The following KCNQ3 variants were observed in gnomAD, a reference collection of about 807,000 sequenced individuals.
KCNQ3 encodes potassium voltage-gated channel subfamily Q member 3, also known as potassium voltage-gated channel subfamily KQT member 3.
KCNQ3 carries 30 observed loss-of-function variants against 92.5 expected under a neutral mutation model. The ratio of observed to expected loss-of-function variants is 0.32; its 90% CI spans 0.24 to 0.44. The LOEUF (loss-of-function observed/expected upper bound fraction) is 0.44. Ranked by LOEUF, KCNQ3 falls within the 20% of genes least tolerant of loss-of-function variation. The probability of loss-of-function intolerance (pLI) is 1.00; values close to 1 mark genes in which losing one functional copy is unlikely to be tolerated. For synonymous variants in KCNQ3, 450 were observed against 468.8 expected (o/e 0.96, Z 0.52); for missense variants, 913 against 1,140.3 (o/e 0.80, Z 2.87).
chr8:132,195,410 G>A (rs1827273944), intron 1 of KCNQ3, among the ~76,000 whole-genome samples: 1 of 152,216 alleles, frequency 6.6e-6, no homozygotes, highest in Non-Finnish European at 1.5e-5. Context: ...TGACGCAGCT[G>A]AGCCAGGCAA....
At chr8:132,443,711 T>C (rs1321530069) in intron 1 of KCNQ3, among the ~76,000 whole-genome samples, 1 of 152,124 alleles carries the variant, frequency 6.6e-6, no homozygotes. Flanking sequence ...TTTTGTTTCA[T>C]TTTCTTAATT....
chr8:132,245,962 G>A (rs950123467), intron 1 of KCNQ3, among the ~76,000 whole-genome samples: 5 of 145,612 alleles, frequency 3.4e-5, no homozygotes, highest in African/African-American at 1.2e-4. Context: ...AGTAGTTGGT[G>A]AATAAATATT....
At chr8:132,234,955 T>C (rs10092367) in intron 1 of KCNQ3, among the ~76,000 whole-genome samples, 20,309 of 152,208 alleles carry the variant, frequency 0.13, 1,537 homozygotes, top group African/African-American at 0.2. Context: ...GTGGTGATGG[T>C]TGCCCAACCT....
chr8:132,416,635 A>G (rs1489943347), intron 1 of KCNQ3, among the ~76,000 whole-genome samples: 2 of 152,142 alleles, frequency 1.3e-5, no homozygotes, highest in Non-Finnish European at 2.9e-5. Flanking sequence ...CAAACAAACA[A>G]AAAAAATTCA....
At position 132,408,803 on chromosome 8, in the gene KCNQ3, G is replaced by A. The variant is rs147374496; in HGVS notation, c.386+71344C>T. Reference sequence around the variant, plus strand: ...GGCACTAGGCAGCTAGGAGCTGGGAGCCAACCCTGGATGACAGCCAGCAAG... The same window carrying A: ...GGCACTAGGCAGCTAGGAGCTGGGAACCAACCCTGGATGACAGCCAGCAAG... On this transcript the variant is annotated intron_variant, in intron 1 of 14. Transcript: ENST00000388996. Among the ~76,000 whole-genome samples the A allele has an allele frequency of 2.0e-5, 3 of 152,312 alleles. No homozygotes were observed. The East Asian group carries it at 5.8e-4, about 29-fold the overall frequency.
intron 1 of KCNQ3, among the ~76,000 whole-genome samples, chr8:132,259,849 A>G (rs986443510): frequency 1.3e-5 from 2 of 152,210 alleles, no homozygotes; most frequent in Non-Finnish European, 2.9e-5. Flanking sequence ...ATAGTTCTAT[A>G]TGCTAGCAAG....
Position 132,219,223 on chromosome 8 carries a change from A to T in KCNQ3, c.387-33042T>A, listed in dbSNP as rs563211030. On this transcript the variant is annotated intron_variant, in intron 1 of 14. Coordinates refer to ENST00000388996, the MANE Select transcript of KCNQ3 (RefSeq NM_004519.4). ...GGGACCTTGATGAGTGCAGATTTTG[A>T]TTCAGCAGGTCTCAGGTGGGGCCTG... is the stretch of plus-strand genomic sequence containing the variant. Among the ~76,000 whole-genome samples the T allele has an allele frequency of 5.9e-5, 9 of 152,234 alleles. No homozygotes were observed. In the East Asian group the frequency reaches 1.7e-3, roughly 29 times the overall value.
chr8:132,242,721 C>CGAAT (rs1443132206), intron 1 of KCNQ3, among the ~76,000 whole-genome samples: 3 of 152,156 alleles, frequency 2.0e-5, no homozygotes, highest in African/African-American at 4.8e-5. Flanking sequence ...GAATATTTAT[C>CGAAT]GAATGAATGA....
At chr8:132,142,414 T>C (rs960477606) in intron 9 of KCNQ3, among the ~76,000 whole-genome samples, 1 of 152,202 alleles carries the variant, frequency 6.6e-6, no homozygotes, top group Non-Finnish European at 1.5e-5. Context: ...CTGCTTTATC[T>C]GGTTGCTATG....
At chr8:132,374,292 G>T (rs2130743314) in intron 1 of KCNQ3, among the ~76,000 whole-genome samples, 1 of 152,256 alleles carries the variant, frequency 6.6e-6, no homozygotes, top group Admixed American at 6.5e-5. Flanking sequence ...ACAAGATAAA[G>T]GACAAATGCC....
intron 1 of KCNQ3, among the ~76,000 whole-genome samples, chr8:132,378,526 T>A (rs1033876510): frequency 6.6e-6 from 1 of 152,244 alleles, no homozygotes; most frequent in African/African-American, 2.4e-5. Context: ...CACTTTTCCA[T>A]ACATTGCCTT....
intron 1 of KCNQ3, among the ~76,000 whole-genome samples, chr8:132,431,028 TC>T (rs1821236704): frequency 6.6e-6 from 1 of 152,144 alleles, no homozygotes; most frequent in Admixed American, 6.5e-5. Context: ...CTCCTGGTAA[TC>T]CCCTGGCTTT....
At chr8:132,383,144 C>T (rs1283929148) in intron 1 of KCNQ3, among the ~76,000 whole-genome samples, 1 of 152,202 alleles carries the variant, frequency 6.6e-6, no homozygotes. Context: ...TGCCTGCTTT[C>T]CCCATGAATC....
chr8:132,344,684 T>C (rs183154734), intron 1 of KCNQ3, among the ~76,000 whole-genome samples: 1 of 152,282 alleles, frequency 6.6e-6, no homozygotes, highest in Non-Finnish European at 1.5e-5. Flanking sequence ...TTTATATTCC[T>C]GGGAGAGATC....
chr8:132,286,352 T>C (rs73358986), intron 1 of KCNQ3, among the ~76,000 whole-genome samples: 1 of 152,352 alleles, frequency 6.6e-6, no homozygotes, highest in East Asian at 1.9e-4. Flanking sequence ...AGGCAACACA[T>C]AGAGTGAAAG....
chr8:132,219,065 A>T (rs1814132171), intron 1 of KCNQ3, among the ~76,000 whole-genome samples: 1 of 152,208 alleles, frequency 6.6e-6, no homozygotes, highest in Non-Finnish European at 1.5e-5. Flanking sequence ...TGGAAGAGAA[A>T]ATTCAGAAAA....
chr8:132,365,156 G>A (rs995996625), intron 1 of KCNQ3, among the ~76,000 whole-genome samples: 2 of 152,164 alleles, frequency 1.3e-5, no homozygotes, highest in Non-Finnish European at 2.9e-5. Flanking sequence ...CCAGAGTCAA[G>A]CATGAAGACT....
intron 1 of KCNQ3, among the ~76,000 whole-genome samples, chr8:132,355,783 T>C (rs1563876216): frequency 6.6e-6 from 1 of 152,194 alleles, no homozygotes; most frequent in Non-Finnish European, 1.5e-5. Flanking sequence ...ACACAGACTT[T>C]ATCACTTAAC....
intron 14 of KCNQ3, 77 bp from the exon 15 acceptor site, chr8:132,130,073 T>C: frequency 7.1e-7 from 1 of 1,412,484 alleles, no homozygotes; most frequent in Non-Finnish European, 9.6e-7. Flanking sequence ...GAGGAAATAT[T>C]CTTTTTTTTT....
Sources: gnomAD v4.1 joint callset for allele counts (sites outside exome capture counted in the v4.1 genomes callset) on GRCh38, gnomAD v4.1.1 for gene constraint, MANE v1.5 for transcripts, NCBI Gene and HGNC (gene_info 2026-07-23, HGNC 2026-07-21) for gene names.